EFCAB11: variants seen among roughly 807,000 people sequenced by gnomAD.
The protein encoded by EFCAB11 is EF-hand calcium-binding domain-containing protein 11.
In EFCAB11, 14 loss-of-function variants were observed where a neutral mutation model predicts 23.0. That is an observed-to-expected ratio of 0.61 (90% CI 0.40 to 0.95). The LOEUF is 0.95. Among genes scored for constraint, EFCAB11 ranks in the 40% least tolerant of loss-of-function variants. The probability of loss-of-function intolerance (pLI) is 0.00; values close to 1 mark genes in which losing one functional copy is unlikely to be tolerated. For synonymous variants in EFCAB11, 65 were observed against 66.6 expected (o/e 0.98, Z 0.11); for missense variants, 198 against 195.8 (o/e 1.01, Z -0.07).
At chr14:89,898,549 G>A (rs547560198) in intron 5 of EFCAB11, among the ~76,000 whole-genome samples, 91 of 152,048 alleles carry the variant, frequency 6.0e-4, no homozygotes, top group Non-Finnish European at 1.0e-3. Context: ...ATTTTTGGTA[G>A]AGACAGTGTC....
chr14:89,835,556 AT>A (rs1299920336), intron 5 of EFCAB11, among the ~76,000 whole-genome samples: 1 of 142,746 alleles, frequency 7.0e-6, no homozygotes, highest in African/African-American at 2.6e-5. Flanking sequence ...ATTTTGGAGC[AT>A]TTTGGATTTC....
intron 5 of EFCAB11, among the ~76,000 whole-genome samples, chr14:89,822,628 G>A (rs184099266): frequency 3.3e-5 from 5 of 152,278 alleles, no homozygotes; most frequent in Admixed American, 2.0e-4. Context: ...GTCAAATATT[G>A]TATGGACACA....
intron 5 of EFCAB11, among the ~76,000 whole-genome samples, chr14:89,820,626 A>T (rs954721344): frequency 2.6e-5 from 4 of 152,050 alleles, no homozygotes; most frequent in African/African-American, 9.7e-5. Context: ...CTCCTTCACA[A>T]AGTCTCTCAG....
chr14:89,797,367 A>G, intron 5 of EFCAB11, 43 bp from the exon 6 acceptor site: 1 of 1,553,214 alleles, frequency 6.4e-7, no homozygotes, highest in Non-Finnish European at 8.8e-7. Flanking sequence ...TATTCTCGTT[A>G]ACACCTATGC....
intron 5 of EFCAB11, among the ~76,000 whole-genome samples, chr14:89,843,625 T>A (rs921451587): frequency 6.6e-6 from 1 of 152,238 alleles, no homozygotes; most frequent in Non-Finnish European, 1.5e-5. Flanking sequence ...AGCTGCAGTG[T>A]AGAATTTGAA....
At chr14:89,919,667 A>G (rs376318492) in intron 5 of EFCAB11, among the ~76,000 whole-genome samples, 1 of 152,230 alleles carries the variant, frequency 6.6e-6, no homozygotes, top group East Asian at 1.9e-4. Context: ...AGTAAAGGGT[A>G]TTAGTATTAG....
In EFCAB11 at chr14:89,864,770, A is replaced by T. The variant is rs553968954; in HGVS notation, c.410+66771T>A. ...CTTTAATATTAAATTAACAGACTAA[A>T]TACTTAAAATACAAATATCCCTATG... On this transcript the variant is annotated intron_variant, in intron 5 of 5. Coordinates refer to ENST00000316738, the MANE Select transcript of EFCAB11 (RefSeq NM_145231.4). Among the ~76,000 whole-genome samples, 228 of 152,256 alleles carry T rather than the reference A, an allele frequency of 1.5e-3. 1 individual carries two copies. Among genetic ancestry groups the T allele is most frequent in the African/African-American group, 5.3e-3 (221 of 41,534 alleles).
At chr14:89,842,406 G>T (rs542435118) in intron 5 of EFCAB11, among the ~76,000 whole-genome samples, 5 of 152,092 alleles carry the variant, frequency 3.3e-5, no homozygotes, top group Non-Finnish European at 7.4e-5. Context: ...CTAGCCGACA[G>T]GCTGAAACCT....
At chr14:89,917,008 G>C (rs1017163698) in intron 5 of EFCAB11, among the ~76,000 whole-genome samples, 3 of 151,442 alleles carry the variant, frequency 2.0e-5, no homozygotes, top group Non-Finnish European at 4.4e-5. Context: ...TTTGTGTAAT[G>C]ACTCACAGTC....
intron 5 of EFCAB11, among the ~76,000 whole-genome samples, chr14:89,879,121 C>G (rs1479237770): frequency 6.6e-6 from 1 of 151,916 alleles, no homozygotes; most frequent in Non-Finnish European, 1.5e-5. Context: ...ATATTTAGCC[C>G]ATTTTTTTTT....
intron 5 of EFCAB11, among the ~76,000 whole-genome samples, chr14:89,888,545 C>T (rs1463814107): frequency 6.6e-6 from 1 of 152,154 alleles, no homozygotes; most frequent in Non-Finnish European, 1.5e-5. Context: ...GGCCAAATCT[C>T]ACAAGAACTC....
chr14:89,817,457 A>C (rs933357453), intron 5 of EFCAB11, among the ~76,000 whole-genome samples: 9 of 152,174 alleles, frequency 5.9e-5, no homozygotes, highest in African/African-American at 2.2e-4. Context: ...GGAGTTCTGG[A>C]TAACAGTGAG....
rs10648464 is a variant in EFCAB11 at position 89,858,656 on chromosome 14, ATTTTTTTT to A, written c.411-61340_411-61333del. Among the ~76,000 whole-genome samples, 13 of 89,012 alleles carry A rather than the reference ATTTTTTTT, an allele frequency of 1.5e-4. No homozygotes were observed. The East Asian group carries it at 2.2e-3, about 15-fold the overall frequency. The allele number at this position is 89,012 out of a possible 152,430, so 58.4% of individuals were successfully genotyped here. A position where few individuals can be genotyped will look rare whatever the true frequency, so the allele number is the denominator to read the frequency against. ...AGGTGTGCATCACCACACCCAGCTA[ATTTTTTTT>A]TTTTTTTTTTTTTTTTGTAGAGGCA... On this transcript the variant is annotated intron_variant, in intron 5 of 5. Transcript: ENST00000316738.
intron 5 of EFCAB11, among the ~76,000 whole-genome samples, chr14:89,856,363 A>AT (rs1459781332): frequency 6.6e-6 from 1 of 151,698 alleles, no homozygotes; most frequent in Non-Finnish European, 1.5e-5. Context: ...TAATTTTTGT[A>AT]TTTTTTTGTA....
At chr14:89,954,418 G>A (rs781436697) in intron 1 of EFCAB11, 168 bp downstream of exon 1, 1 of 1,536,424 alleles carries the variant, frequency 6.5e-7, no homozygotes, top group African/African-American at 1.4e-5. Flanking sequence ...CCTGGACGGG[G>A]AGCCAGGAGC....
intron 5 of EFCAB11, among the ~76,000 whole-genome samples, chr14:89,916,259 GAATA>G (rs1180511066): frequency 6.6e-6 from 1 of 152,050 alleles, no homozygotes. Context: ...GTAACCCACA[GAATA>G]AATGGCACCA....
intron 5 of EFCAB11, among the ~76,000 whole-genome samples, chr14:89,862,545 A>G (rs1367003208): frequency 6.6e-6 from 1 of 152,238 alleles, no homozygotes; most frequent in African/African-American, 2.4e-5. Context: ...GAATTCTGAC[A>G]GAAAGCTACC....
At chr14:89,901,995 C>G (rs1889353678) in intron 5 of EFCAB11, among the ~76,000 whole-genome samples, 1 of 144,882 alleles carries the variant, frequency 6.9e-6, no homozygotes, top group Non-Finnish European at 1.5e-5. Context: ...TGGTCTCATG[C>G]ATTTCCGATA....
intron 3 of EFCAB11, among the ~76,000 whole-genome samples, chr14:89,933,119 G>A (rs2139812497): frequency 6.6e-6 from 1 of 152,228 alleles, no homozygotes. Flanking sequence ...ACAGATAAAG[G>A]TGGGGAGAAT....
Sources: allele counts gnomAD v4.1 joint callset (sites outside exome capture counted in the v4.1 genomes callset), GRCh38; gene constraint gnomAD v4.1.1; transcripts MANE v1.5; gene names NCBI Gene and HGNC (gene_info 2026-07-23, HGNC 2026-07-21).